The following ABLIM3 variants were observed in gnomAD, a reference collection of about 807,000 sequenced individuals.
ABLIM3 encodes the protein actin binding LIM protein family member 3.
ABLIM3 carries 61 observed loss-of-function variants against 109.5 expected under a neutral mutation model. That is an observed-to-expected ratio of 0.56 (90% CI 0.45 to 0.69). The LOEUF (loss-of-function observed/expected upper bound fraction) is 0.69. ABLIM3 is among the 30% of genes least tolerant of loss of function. ABLIM3 has a pLI of 0.00. For synonymous variants in ABLIM3, 300 were observed against 324.8 expected (o/e 0.92, Z 0.82); for missense variants, 796 against 889.5 (o/e 0.89, Z 1.34).
chr5:149,156,383 T>C (rs772526245), intron 2 of ABLIM3, among the ~76,000 whole-genome samples: 40 of 152,328 alleles, frequency 2.6e-4, no homozygotes, highest in Non-Finnish European at 4.7e-4. Flanking sequence ...AGTGAATATA[T>C]GTGAGATGCT....
rs755752262 is a variant in ABLIM3 at position 149,142,078 on chromosome 5, C to T, written c.-18C>T. On this transcript the variant is annotated 5_prime_UTR_variant, in exon 2 of 24. Transcript: ENST00000309868. ...GGGCCTCCGTATTGAATGAAAGACC[C>T]AGTGCAAAGACATCACCATGAACAC... 1.2e-6 allele frequency: 2 copies of T among 1,613,446 alleles called. No homozygotes were observed. The highest frequency in any genetic ancestry group is 2.7e-5 in the African/African-American group (2 of 74,692).
At chr5:149,204,665 G>T (rs142252988) in intron 5 of ABLIM3, among the ~76,000 whole-genome samples, 1 of 152,198 alleles carries the variant, frequency 6.6e-6, no homozygotes, top group African/African-American at 2.4e-5. Flanking sequence ...GGATTCATAT[G>T]GGCCAAGCAT....
chr5:149,188,635 C>A (rs768968651), intron 3 of ABLIM3, among the ~76,000 whole-genome samples: 1 of 152,226 alleles, frequency 6.6e-6, no homozygotes, highest in Non-Finnish European at 1.5e-5. Flanking sequence ...GGACAGCCAG[C>A]AAACTCTCTA....
chr5:149,198,214 C>G lies in ABLIM3; in HGVS notation c.152-5C>G. ...CTGCCCTTGTTTTCCTCCTTGTTCCCCAAGTATGTGGCTGTGGCCTGGCCC... is the reference window on the plus strand; with the variant it reads ...CTGCCCTTGTTTTCCTCCTTGTTCCGCAAGTATGTGGCTGTGGCCTGGCCC... On this transcript the variant is annotated splice_polypyrimidine_tract_variant and splice_region_variant and intron_variant, in intron 3 of 23. Transcript: ENST00000309868. This position sits in a 1 kb window ranked among gnomAD's most constrained non-coding sequence, Gnocchi z 4.2. The G allele has an allele frequency of 6.2e-7, 1 of 1,608,142 alleles. No individual in the cohort carries two copies. Among genetic ancestry groups the G allele is most frequent in the South Asian group, 1.1e-5 (1 of 90,200 alleles).
At chr5:149,216,759 C>A in intron 7 of ABLIM3, 200 bp from the exon 8 acceptor site, 1 of 572,934 alleles carries the variant, frequency 1.7e-6, no homozygotes, top group Non-Finnish European at 3.1e-6. Context: ...GAACTGCCAT[C>A]AGGGATCCAT....
At chr5:149,257,030 C>A (rs1403778317) in intron 23 of ABLIM3, among the ~76,000 whole-genome samples, 1 of 152,192 alleles carries the variant, frequency 6.6e-6, no homozygotes, top group African/African-American at 2.4e-5. Flanking sequence ...CATGGCCATG[C>A]GCCGTGGCTT....
At chr5:149,230,784 G>A in intron 9 of ABLIM3, 77 bp downstream of exon 9, 1 of 1,543,564 alleles carries the variant, frequency 6.5e-7, no homozygotes, top group African/African-American at 1.4e-5. Flanking sequence ...GCTGTGCTTT[G>A]GGACAGGGTC....
intron 2 of ABLIM3, among the ~76,000 whole-genome samples, chr5:149,164,850 G>C (rs1754683331): frequency 2.0e-5 from 3 of 152,154 alleles, no homozygotes; most frequent in Non-Finnish European, 2.9e-5. Flanking sequence ...ATTGCCATCT[G>C]TATGTTTATG....
At chr5:149,172,812 T>C (rs1755571365) in intron 2 of ABLIM3, among the ~76,000 whole-genome samples, 1 of 152,250 alleles carries the variant, frequency 6.6e-6, no homozygotes, top group Non-Finnish European at 1.5e-5. Context: ...CATGTCATGT[T>C]GTGACCTGTG....
At chr5:149,223,220 G>C (rs916520244) in intron 8 of ABLIM3, among the ~76,000 whole-genome samples, 5 of 151,996 alleles carry the variant, frequency 3.3e-5, no homozygotes, top group Non-Finnish European at 7.4e-5. Context: ...TCTAAAGTTT[G>C]TTTCCAGCTT....
At chr5:149,197,563 A>T (rs1168621880) in intron 3 of ABLIM3, among the ~76,000 whole-genome samples, 2 of 152,066 alleles carry the variant, frequency 1.3e-5, no homozygotes, top group African/African-American at 4.8e-5. Flanking sequence ...GACACCCCCC[A>T]CTCCTTATGG....
At chr5:149,195,705 A>G (rs547975453) in intron 3 of ABLIM3, among the ~76,000 whole-genome samples, 33 of 152,276 alleles carry the variant, frequency 2.2e-4, no homozygotes, top group African/African-American at 6.7e-4. Flanking sequence ...CATGAAGTCA[A>G]TTGTTCCACC....
At chr5:149,159,656 G>A (rs907457690) in intron 2 of ABLIM3, among the ~76,000 whole-genome samples, 5 of 152,052 alleles carry the variant, frequency 3.3e-5, no homozygotes, top group African/African-American at 9.7e-5. Context: ...GACCTCTGAG[G>A]CCAGTATCCT....
At chr5:149,170,228 T>TTGTC (rs1554082423) in intron 2 of ABLIM3, among the ~76,000 whole-genome samples, 1 of 124,604 alleles carries the variant, frequency 8.0e-6, no homozygotes, top group African/African-American at 3.1e-5. Flanking sequence ...AGGGTTCTGT[T>TTGTC]TCTCTCTCTC....
Position 149,239,235 on chromosome 5 carries a change from CT to C in ABLIM3, c.1045-11del. 1 of 1,614,002 alleles carries C rather than the reference CT, an allele frequency of 6.2e-7. No homozygotes were observed. ...CTCGTTCCACAACTGCCTTCAAACTCTTCACTTCTAAGTCGCTGGGAACATT... is the reference window on the plus strand; with the variant it reads ...CTCGTTCCACAACTGCCTTCAAACTCTCACTTCTAAGTCGCTGGGAACATT... On this transcript the variant is annotated splice_polypyrimidine_tract_variant and intron_variant, in intron 11 of 23. Transcript: ENST00000309868.
At chr5:149,143,119 C>T (rs994543793) in intron 2 of ABLIM3, among the ~76,000 whole-genome samples, 3 of 152,046 alleles carry the variant, frequency 2.0e-5, no homozygotes, top group African/African-American at 7.2e-5. Flanking sequence ...AATCCCAGCA[C>T]TTTGGGAGGC....
Position 149,213,268 on chromosome 5 carries a change from A to G in ABLIM3, c.669+2449A>G, listed in dbSNP as rs549186429. Among the ~76,000 whole-genome samples, 3 of 152,286 alleles carry G rather than the reference A, an allele frequency of 2.0e-5. No individual in the cohort carries two copies. The South Asian group carries it at 6.2e-4, about 32-fold the overall frequency. Reference sequence around the variant, plus strand: ...GACAGAGGAAAGAGAGCAAGGAAGGAGGCTGACACCAACCTTGGCGAGCAG... The same window carrying G: ...GACAGAGGAAAGAGAGCAAGGAAGGGGGCTGACACCAACCTTGGCGAGCAG... On this transcript the variant is annotated intron_variant, in intron 7 of 23. Transcript: ENST00000309868.
chr5:149,146,545 G>T (rs1752943809), intron 2 of ABLIM3, among the ~76,000 whole-genome samples: 1 of 152,142 alleles, frequency 6.6e-6, no homozygotes, highest in Non-Finnish European at 1.5e-5. Flanking sequence ...TTAGCCAACT[G>T]TCCCAGCACC....
At chr5:149,252,603 T>A (rs1754038290) in intron 22 of ABLIM3, 154 bp from the exon 23 acceptor site, 1 of 654,614 alleles carries the variant, frequency 1.5e-6, no homozygotes, top group Non-Finnish European at 2.7e-6. Flanking sequence ...TTAAGACTGC[T>A]GGGCAACCCC....
Sources: allele counts gnomAD v4.1 joint callset (sites outside exome capture counted in the v4.1 genomes callset), GRCh38; gene constraint gnomAD v4.1.1; non-coding constraint Gnocchi (gnomAD v3.1); transcripts MANE v1.5; gene names NCBI Gene and HGNC (gene_info 2026-07-23, HGNC 2026-07-21).